RSPO2: variants seen among roughly 807,000 people sequenced by gnomAD.
RSPO2 encodes the protein R-spondin 2.
In RSPO2, 14 loss-of-function variants were observed where a neutral mutation model predicts 30.9. That is an observed-to-expected ratio of 0.45 (90% CI 0.30 to 0.71). The LOEUF is 0.71. RSPO2 is among the 30% of genes least tolerant of loss of function. The pLI is 0.08. For synonymous variants in RSPO2, 107 were observed against 96.4 expected (o/e 1.11, Z -0.64); for missense variants, 264 against 301.9 (o/e 0.87, Z 0.93).
At chr8:108,035,180 C>A (rs1228485596) in intron 2 of RSPO2, among the ~76,000 whole-genome samples, 1 of 152,170 alleles carries the variant, frequency 6.6e-6, no homozygotes, top group Non-Finnish European at 1.5e-5. Flanking sequence ...CTTTAGAATG[C>A]TTTTCTGAAT....
At chr8:107,907,834 T>A (rs1472368877) in intron 5 of RSPO2, among the ~76,000 whole-genome samples, 1 of 152,168 alleles carries the variant, frequency 6.6e-6, no homozygotes, top group Non-Finnish European at 1.5e-5. Flanking sequence ...CATATTTTTT[T>A]ATCTAAAATA....
intron 5 of RSPO2, among the ~76,000 whole-genome samples, chr8:107,922,567 C>T (rs1812209476): frequency 6.6e-6 from 1 of 152,120 alleles, no homozygotes; most frequent in Non-Finnish European, 1.5e-5. Flanking sequence ...CTACCAATGA[C>T]ATTTTTCATA....
At chr8:108,074,644 G>C (rs959133662) in intron 2 of RSPO2, among the ~76,000 whole-genome samples, 4 of 152,140 alleles carry the variant, frequency 2.6e-5, no homozygotes, top group Non-Finnish European at 2.9e-5. Context: ...GGATCAATAA[G>C]GGTCTGTGGT....
At chr8:107,949,556 A>G (rs1813176054) in intron 5 of RSPO2, among the ~76,000 whole-genome samples, 1 of 152,210 alleles carries the variant, frequency 6.6e-6, no homozygotes, top group Non-Finnish European at 1.5e-5. Flanking sequence ...AGCAAAAAAC[A>G]ACTGATAAGT....
At chr8:107,919,309 T>A (rs920969395) in intron 5 of RSPO2, among the ~76,000 whole-genome samples, 1 of 152,160 alleles carries the variant, frequency 6.6e-6, no homozygotes, top group African/African-American at 2.4e-5. Context: ...TGAAAGAGAT[T>A]TGACTTAACC....
chr8:107,953,122 C>A (rs1389218679), intron 5 of RSPO2, among the ~76,000 whole-genome samples: 1 of 152,102 alleles, frequency 6.6e-6, no homozygotes, highest in Non-Finnish European at 1.5e-5. Context: ...CTTTAAGAGT[C>A]CGATAGTTGA....
rs1349682691 is a variant in RSPO2 at position 107,899,882 on chromosome 8, T to TAAG, written c.*1190_*1192dup. ...AGATTCTGGCTCAACAGAAACCTGT[T>TAAG]AAGATCTGACTGGCAGTCACAGAAA... On this transcript the variant is annotated 3_prime_UTR_variant, in exon 6 of 6. Transcript: ENST00000276659. 6.6e-6 allele frequency: 1 copy of TAAG among 152,234 alleles called. No homozygotes were observed. Among genetic ancestry groups the TAAG allele is most frequent in the Non-Finnish European group, 1.5e-5 (1 of 68,052 alleles). The allele number at this position is 152,234 out of a possible 1,614,324, so 9.4% of individuals were successfully genotyped here.
At chr8:107,942,564 CT>C (rs1388027537) in intron 5 of RSPO2, among the ~76,000 whole-genome samples, 1 of 152,124 alleles carries the variant, frequency 6.6e-6, no homozygotes, top group East Asian at 1.9e-4. Context: ...AACTAAATTT[CT>C]TTGTTCATAA....
chr8:107,997,583 T>C (rs1436494748), intron 2 of RSPO2, among the ~76,000 whole-genome samples: 3 of 151,780 alleles, frequency 2.0e-5, no homozygotes, highest in African/African-American at 7.3e-5. Flanking sequence ...CCCACACATA[T>C]CCCCTTGATG....
intron 2 of RSPO2, among the ~76,000 whole-genome samples, chr8:108,044,833 G>A (rs373670736): frequency 2.0e-5 from 3 of 152,044 alleles, no homozygotes; most frequent in Non-Finnish European, 4.4e-5. Context: ...GTGTAGAAGC[G>A]TTCCCTACTA....
intron 5 of RSPO2, among the ~76,000 whole-genome samples, chr8:107,923,032 A>G (rs181717231): frequency 3.3e-5 from 5 of 152,148 alleles, no homozygotes; most frequent in African/African-American, 1.2e-4. Context: ...CAAAGATTTC[A>G]TGAAGACAGG....
intron 2 of RSPO2, among the ~76,000 whole-genome samples, chr8:108,053,538 T>C (rs1186558781): frequency 3.9e-5 from 6 of 152,162 alleles, no homozygotes; most frequent in African/African-American, 7.2e-5. Flanking sequence ...ATTTACACTA[T>C]ATAATAAAAG....
intron 5 of RSPO2, among the ~76,000 whole-genome samples, chr8:107,918,079 G>A (rs571173761): frequency 5.9e-5 from 9 of 152,158 alleles, no homozygotes; most frequent in Admixed American, 3.3e-4. Flanking sequence ...AAGCATAACA[G>A]GAGTTAATTG....
chr8:107,936,876 C>A (rs1190575667), intron 5 of RSPO2, among the ~76,000 whole-genome samples: 1 of 152,016 alleles, frequency 6.6e-6, no homozygotes, highest in Non-Finnish European at 1.5e-5. Flanking sequence ...GAGATCTTTG[C>A]ATATTCTGGA....
chr8:107,958,429 T>C (rs1813502371), intron 4 of RSPO2, among the ~76,000 whole-genome samples, 161 bp from the exon 5 acceptor site: 1 of 152,174 alleles, frequency 6.6e-6, no homozygotes, highest in Non-Finnish European at 1.5e-5. Context: ...TACTCACCTT[T>C]TGGGAACTTT....
At chr8:108,024,947 G>A (rs1402223293) in intron 2 of RSPO2, among the ~76,000 whole-genome samples, 3 of 152,120 alleles carry the variant, frequency 2.0e-5, no homozygotes, top group Non-Finnish European at 4.4e-5. Context: ...TTGAGCCCAG[G>A]AGGCAGAGGG....
chr8:108,079,698 G>GAAA (rs745317222), intron 2 of RSPO2, among the ~76,000 whole-genome samples: 7 of 133,188 alleles, frequency 5.3e-5, no homozygotes, highest in African/African-American at 1.9e-4. Flanking sequence ...ATGGAATATG[G>GAAA]AAAAAAAAAA....
intron 4 of RSPO2, among the ~76,000 whole-genome samples, chr8:107,960,216 A>G (rs1276984586): frequency 6.6e-6 from 1 of 152,166 alleles, no homozygotes; most frequent in Non-Finnish European, 1.5e-5. Flanking sequence ...TGTAACATAT[A>G]ATCAACAAAA....
chr8:107,987,147 T>C (rs912497533), intron 3 of RSPO2, among the ~76,000 whole-genome samples: 1 of 152,204 alleles, frequency 6.6e-6, no homozygotes, highest in Non-Finnish European at 1.5e-5. Flanking sequence ...AGTTTGATTC[T>C]TTCTCTTAGC....
Sources: gnomAD v4.1 joint callset for allele counts (sites outside exome capture counted in the v4.1 genomes callset) on GRCh38, gnomAD v4.1.1 for gene constraint, MANE v1.5 for transcripts, NCBI Gene and HGNC (gene_info 2026-07-23, HGNC 2026-07-21) for gene names.